Variants in SLC10A6 observed in about 807,000 individuals in gnomAD.
SLC10A6 encodes the protein solute carrier family 10 member 6.
In SLC10A6, 27 loss-of-function variants were observed where a neutral mutation model predicts 30.0. The observed-to-expected ratio is 0.90, with a 90% CI of 0.66 to 1.24. SLC10A6 has a LOEUF of 1.24. SLC10A6 is among the 50% of genes most tolerant of loss of function. The pLI, the probability that SLC10A6 is intolerant of heterozygous loss-of-function variation, is 0.00. For missense variants in SLC10A6, 439 were observed against 457.0 expected, an observed-to-expected ratio of 0.96 and a Z score of 0.36; for synonymous variants, 166 against 173.8, an observed-to-expected ratio of 0.95 and a Z score of 0.36.
rs1578752296 is a variant in SLC10A6 at position 86,823,488 on chromosome 4, C to T, written c.*200G>A. The stretch of plus-strand genomic sequence containing the variant: ...CAGCTCATTGATACGTTATGTTAAC[C>T]CCCAGAAGAAACTCCCTGAAATGGG... On this transcript the variant is annotated 3_prime_UTR_variant, in exon 6 of 6. Coordinates refer to ENST00000273905, the MANE Select transcript of SLC10A6 (RefSeq NM_197965.3). The T allele has an allele frequency of 6.0e-6, 3 of 503,514 alleles. No homozygotes were observed. The highest frequency in any genetic ancestry group is 5.3e-4 in the Middle Eastern group (1 of 1,892). 31.2% of individuals were successfully genotyped at this position (503,514 alleles called of 1,614,324 possible). A position where few individuals can be genotyped will look rare whatever the true frequency, so the allele number is the denominator to read the frequency against.
intron 2 of SLC10A6, among the ~76,000 whole-genome samples, 197 bp from the exon 3 acceptor site, chr4:86,832,077 G>C (rs1390754134): frequency 1.3e-5 from 2 of 152,184 alleles, no homozygotes; most frequent in South Asian, 2.1e-4. Context: ...TCTTGTGAGT[G>C]CCTTTCAGAA....
chr4:86,837,279 GAAAGAAA>G (rs1746208154), intron 1 of SLC10A6, among the ~76,000 whole-genome samples: 1 of 100,822 alleles, frequency 9.9e-6, no homozygotes, highest in Admixed American at 1.0e-4. Flanking sequence ...AAGAAAGAAA[GAAAGAAA>G]AAGAAAGGAA....
At chr4:86,825,768 C>CA (rs1439861780) in intron 4 of SLC10A6, among the ~76,000 whole-genome samples, 191 bp from the exon 5 acceptor site, 4 of 152,198 alleles carry the variant, frequency 2.6e-5, no homozygotes, top group African/African-American at 9.7e-5. Flanking sequence ...TGAGGCTTTG[C>CA]AAACCCTGCC....
intron 1 of SLC10A6, among the ~76,000 whole-genome samples, chr4:86,845,841 G>A (rs1182218547): frequency 6.6e-6 from 1 of 152,180 alleles, no homozygotes; most frequent in Non-Finnish European, 1.5e-5. Flanking sequence ...GCAACTGCAA[G>A]AGGATGGGTG....
intron 3 of SLC10A6, among the ~76,000 whole-genome samples, chr4:86,828,568 C>T (rs972486121): frequency 2.6e-5 from 4 of 151,976 alleles, no homozygotes; most frequent in African/African-American, 4.8e-5. Context: ...TCCAGTCTGA[C>T]GTCTGCCCTG....
rs1295195144 is a variant in SLC10A6 at position 86,849,061 on chromosome 4, C to T, written c.55G>A (p.Glu19Lys). The T allele has an allele frequency of 6.2e-7, 1 of 1,614,172 alleles. No homozygotes were observed. The highest frequency in any genetic ancestry group is 8.5e-7 in the Non-Finnish European group (1 of 1,180,022). Residue 19 changes from glutamate to lysine, a missense_variant, in exon 1 of 6, where the codon GAG becomes AAG. Physicochemically the swap from Glu to Lys is moderately conservative, Grantham distance 56. Transcript: ENST00000273905. ...TGCACCTCCAGTCCCACTGGCAGCTCCTCCTCTGAACTGTTGGCAGGGCAG... is the reference window on the plus strand; with the variant it reads ...TGCACCTCCAGTCCCACTGGCAGCTTCTCCTCTGAACTGTTGGCAGGGCAG... Reference protein sequence around the residue: ...SACPANSSEEELPVGLEVHGN... With the variant: ...SACPANSSEEKLPVGLEVHGN...
chr4:86,844,102 T>C (rs368655549), intron 1 of SLC10A6, among the ~76,000 whole-genome samples: 3 of 151,988 alleles, frequency 2.0e-5, no homozygotes, highest in Admixed American at 6.6e-5. Flanking sequence ...GGTGTGAACC[T>C]GGGAGGCAGA....
At chr4:86,836,753 GGTTTT>G (rs1249033192) in intron 1 of SLC10A6, among the ~76,000 whole-genome samples, 2 of 151,858 alleles carry the variant, frequency 1.3e-5, no homozygotes, top group African/African-American at 2.4e-5. Context: ...GATTTTTTGG[GGTTTT>G]GTTTTGTTTT....
chr4:86,828,290 G>T, intron 3 of SLC10A6, 122 bp from the exon 4 acceptor site: 1 of 1,029,786 alleles, frequency 9.7e-7, no homozygotes, highest in Non-Finnish European at 1.4e-6. Context: ...GGGACTTAGA[G>T]ATGACTAAAT....
At chr4:86,837,200 G>GGA (rs1239639943) in intron 1 of SLC10A6, among the ~76,000 whole-genome samples, 1 of 113,312 alleles carries the variant, frequency 8.8e-6, no homozygotes, top group African/African-American at 5.2e-5. Context: ...CATGGTGCAT[G>GGA]TAGAGAGAGA....
At position 86,848,918 on chromosome 4, in the gene SLC10A6, C is replaced by T. The variant is rs756266163; in HGVS notation, c.198G>A (p.Trp66Ter). The T allele has an allele frequency of 3.1e-6, 5 of 1,614,158 alleles. No homozygotes were observed. The South Asian group carries it at 4.4e-5, about 14-fold the overall frequency. Residue 66 changes from tryptophan (W) to a stop codon, truncating the protein, a stop_gained, in exon 1 of 6, where the codon TGG becomes TGA. Transcript: ENST00000273905. LOFTEE classifies it high-confidence loss of function. ...RKLWSHIRRP[W>*]GIAVGLLCQF... is the part of the protein sequence containing the mutation. ...GGCAGAGCAGTCCCACAGCAATGCC[C>T]CAGGGTCTCCTGATGTGCGACCACA...
chr4:86,837,300 AGGAAGG>A (rs1560460415), intron 1 of SLC10A6, among the ~76,000 whole-genome samples: 9 of 123,612 alleles, frequency 7.3e-5, no homozygotes, highest in Non-Finnish European at 1.0e-4. Flanking sequence ...AAAGGAAGGA[AGGAAGG>A]AAGGAAGGAA....
At chr4:86,839,273 C>CA (rs60340324) in intron 1 of SLC10A6, among the ~76,000 whole-genome samples, 4,569 of 55,330 alleles carry the variant, frequency 0.083, 131 homozygotes, top group Middle Eastern at 0.11. Flanking sequence ...CTGGTCTCTA[C>CA]AAAAAAAAAA....
In SLC10A6 at chr4:86,833,301, C is replaced by T. The variant is rs766265901; in HGVS notation, c.496+5G>A. ...TAGTCCTCCATTTCCCAGGCCCATACAGACCTATGTTCTGATAAGGAATGG... is the reference window on the plus strand; with the variant it reads ...TAGTCCTCCATTTCCCAGGCCCATATAGACCTATGTTCTGATAAGGAATGG... On this transcript the variant is annotated splice_donor_5th_base_variant and intron_variant, in intron 2 of 5. Transcript: ENST00000273905. 1 of 1,598,076 alleles carries T rather than the reference C, an allele frequency of 6.3e-7. No homozygotes were observed. Among genetic ancestry groups the T allele is most frequent in the Admixed American group, 1.7e-5 (1 of 59,954 alleles).
chr4:86,824,869 C>T (rs921369051), intron 5 of SLC10A6, among the ~76,000 whole-genome samples: 2 of 152,066 alleles, frequency 1.3e-5, no homozygotes, highest in Non-Finnish European at 2.9e-5. Flanking sequence ...CCTCTGTGAA[C>T]AAACATAATA....
intron 1 of SLC10A6, among the ~76,000 whole-genome samples, chr4:86,836,740 G>A (rs1241325932): frequency 1.3e-5 from 2 of 152,016 alleles, no homozygotes; most frequent in African/African-American, 4.8e-5. Flanking sequence ...GTAATTTGTT[G>A]CAGATTTTTT....
Position 86,849,000 on chromosome 4 carries a change from G to A in SLC10A6, c.116C>T (p.Thr39Ile), listed in dbSNP as rs1190783307. Reference sequence around the variant, plus strand: ...GAACATGAGCAGCCCCATCATCACAGTGGACACCACTGTGAAAACGAGCTC... The same window carrying A: ...GAACATGAGCAGCCCCATCATCACAATGGACACCACTGTGAAAACGAGCTC... ...NLELVFTVVS[T>I]VMMGLLMFSL... Residue 39 changes from threonine to isoleucine, a missense_variant, in exon 1 of 6, where the codon ACT becomes ATT. Thr to Ile is a moderately conservative substitution (Grantham distance 89). Coordinates refer to ENST00000273905, the MANE Select transcript of SLC10A6 (RefSeq NM_197965.3). The A allele has an allele frequency of 1.9e-6, 3 of 1,614,050 alleles. No homozygotes were observed. The highest frequency in any genetic ancestry group is 1.1e-5 in the South Asian group (1 of 91,078).
chr4:86,833,492 AG>A (rs1746124328), intron 1 of SLC10A6, 68 bp from the exon 2 acceptor site: 3 of 1,147,154 alleles, frequency 2.6e-6, no homozygotes, highest in Non-Finnish European at 3.9e-6. Flanking sequence ...CTTTACCAAA[AG>A]CAACTCCTAG....
At chr4:86,848,292 G>A (rs1746426326) in intron 1 of SLC10A6, among the ~76,000 whole-genome samples, 1 of 152,146 alleles carries the variant, frequency 6.6e-6, no homozygotes, top group Admixed American at 6.5e-5. Flanking sequence ...TCCTAAAGTA[G>A]GTGCTCAGGC....
Sources: gnomAD v4.1 joint callset for allele counts (sites outside exome capture counted in the v4.1 genomes callset) on GRCh38, gnomAD v4.1.1 for gene constraint, MANE v1.5 for transcripts, NCBI Gene and HGNC (gene_info 2026-07-23, HGNC 2026-07-21) for gene names.